The following MSI2 variants were observed in gnomAD, a reference collection of about 807,000 sequenced individuals.
MSI2 encodes musashi RNA binding protein 2.
A neutral mutation model predicts 45.6 loss-of-function variants in MSI2; 17 were observed. That is an observed-to-expected ratio of 0.37 (90% CI 0.26 to 0.56). The LOEUF is 0.56. Among genes scored for constraint, MSI2 ranks in the 20% least tolerant of loss-of-function variants. MSI2 has a pLI of 0.77. For missense variants in MSI2, 293 were observed against 444.2 expected (o/e 0.66, Z 3.06); for synonymous variants, 156 against 158.2 (o/e 0.99, Z 0.11).
In MSI2 at chr17:57,358,040, A is replaced by C. The variant is rs558778996; in HGVS notation, c.313-43339A>C. Among the ~76,000 whole-genome samples, 38 of 152,260 alleles carry C rather than the reference A, an allele frequency of 2.5e-4. No homozygotes were observed. The South Asian group carries it at 6.8e-3, about 27-fold the overall frequency. ...GAACCCCACAGCTTTGGGGGCTGCT[A>C]TTTGAGGCACCACACTTGGCAGGCT... On this transcript the variant is annotated intron_variant, in intron 5 of 13. Coordinates refer to ENST00000284073, the MANE Select transcript of MSI2 (RefSeq NM_138962.4).
At chr17:57,318,239 T>C (rs1598112425) in intron 5 of MSI2, among the ~76,000 whole-genome samples, 2 of 152,080 alleles carry the variant, frequency 1.3e-5, no homozygotes, top group East Asian at 3.8e-4. Context: ...GAGCATGTCC[T>C]GGAAGAGGAG....
chr17:57,320,301 A>G (rs1472081373), intron 5 of MSI2, among the ~76,000 whole-genome samples: 1 of 152,172 alleles, frequency 6.6e-6, no homozygotes, highest in Non-Finnish European at 1.5e-5. Context: ...GACTGGCTCT[A>G]TCACAGGGAC....
intron 5 of MSI2, among the ~76,000 whole-genome samples, chr17:57,353,551 G>T (rs1043657107): frequency 6.6e-6 from 1 of 152,152 alleles, no homozygotes; most frequent in Non-Finnish European, 1.5e-5. Flanking sequence ...TATTTCCTTT[G>T]TTATTTAGGG....
chr17:57,325,021 A>T (rs1314579491), intron 5 of MSI2, among the ~76,000 whole-genome samples: 1 of 152,202 alleles, frequency 6.6e-6, no homozygotes, highest in Non-Finnish European at 1.5e-5. Context: ...AGTGGTATCT[A>T]CCTATGTTTA....
chr17:57,441,651 G>A (rs1163882095), intron 6 of MSI2, among the ~76,000 whole-genome samples: 2 of 151,994 alleles, frequency 1.3e-5, no homozygotes, highest in African/African-American at 4.8e-5. Flanking sequence ...CTCTCACCAG[G>A]GTCCCTTTCT....
At chr17:57,458,163 C>T (rs1051987910) in intron 6 of MSI2, among the ~76,000 whole-genome samples, 45 of 146,978 alleles carry the variant, frequency 3.1e-4, no homozygotes, top group Admixed American at 1.3e-3. Context: ...TGCAGTGGCG[C>T]GATCTTGGCT....
At chr17:57,502,612 T>G (rs1484718333) in intron 6 of MSI2, among the ~76,000 whole-genome samples, 2,378 of 109,250 alleles carry the variant, frequency 0.022, 216 homozygotes, top group African/African-American at 0.075. Flanking sequence ...GATATATATA[T>G]ATATATATAT....
intron 7 of MSI2, among the ~76,000 whole-genome samples, chr17:57,570,275 C>T (rs1410744747): frequency 6.6e-6 from 1 of 152,146 alleles, no homozygotes; most frequent in Admixed American, 6.5e-5. Flanking sequence ...AGGGTGGCGC[C>T]TGGACATCCC....
intron 6 of MSI2, among the ~76,000 whole-genome samples, chr17:57,447,490 A>G (rs1001163478): frequency 2.0e-5 from 3 of 151,934 alleles, no homozygotes; most frequent in African/African-American, 7.3e-5. Flanking sequence ...TCCATGTTTT[A>G]TCTGAGTCCT....
intron 12 of MSI2, 23 bp downstream of exon 12, chr17:57,675,149 C>T (rs751037330): frequency 1.2e-5 from 19 of 1,596,272 alleles, no homozygotes; most frequent in South Asian, 4.5e-5. Flanking sequence ...CTTCCCCTGC[C>T]CTCCTGCCTC....
chr17:57,453,122 T>C (rs978833871), intron 6 of MSI2, among the ~76,000 whole-genome samples: 1 of 149,732 alleles, frequency 6.7e-6, no homozygotes, highest in Non-Finnish European at 1.5e-5. Context: ...TGCCGCAGCC[T>C]CCCGAGTAAC....
intron 8 of MSI2, among the ~76,000 whole-genome samples, chr17:57,600,087 T>C (rs1348308328): frequency 6.6e-6 from 1 of 152,244 alleles, no homozygotes; most frequent in East Asian, 1.9e-4. Context: ...TGGTTTCTAC[T>C]TCTGAGGCCC....
chr17:57,592,129 G>A (rs1471517686), intron 7 of MSI2, among the ~76,000 whole-genome samples: 4 of 149,708 alleles, frequency 2.7e-5, no homozygotes, highest in South Asian at 2.1e-4. Flanking sequence ...CCGAGATCGC[G>A]CCACTGCACT....
intron 5 of MSI2, among the ~76,000 whole-genome samples, chr17:57,332,591 G>C (rs988059045): frequency 1.3e-5 from 2 of 152,144 alleles, no homozygotes; most frequent in East Asian, 1.9e-4. Flanking sequence ...CAAAGAACTG[G>C]GTTAAGAATA....
intron 5 of MSI2, among the ~76,000 whole-genome samples, chr17:57,396,175 A>T (rs2083885248): frequency 6.6e-6 from 1 of 152,150 alleles, no homozygotes; most frequent in Non-Finnish European, 1.5e-5. Context: ...TACTCATTTA[A>T]GGCTCTCCAG....
At chr17:57,511,846 T>G (rs1182596725) in intron 6 of MSI2, among the ~76,000 whole-genome samples, 1 of 152,150 alleles carries the variant, frequency 6.6e-6, no homozygotes, top group Non-Finnish European at 1.5e-5. Context: ...GCCCAGCCAT[T>G]CCGCAGCTCA....
At chr17:57,519,418 G>A (rs1244008682) in intron 6 of MSI2, among the ~76,000 whole-genome samples, 1 of 152,112 alleles carries the variant, frequency 6.6e-6, no homozygotes, top group African/African-American at 2.4e-5. Context: ...TATCCTTAGA[G>A]TCACTGCACG....
At chr17:57,593,168 G>A (rs1044392337) in intron 7 of MSI2, among the ~76,000 whole-genome samples, 3 of 152,160 alleles carry the variant, frequency 2.0e-5, no homozygotes, top group Non-Finnish European at 4.4e-5. Flanking sequence ...CTTCAGTCCA[G>A]AGCAGCATGA....
intron 6 of MSI2, among the ~76,000 whole-genome samples, chr17:57,473,706 A>C (rs2085484136): frequency 6.6e-6 from 1 of 152,134 alleles, no homozygotes; most frequent in South Asian, 2.1e-4. Flanking sequence ...TCGAGAACAG[A>C]GGATGTTTGG....
Sources: gnomAD v4.1 joint callset for allele counts (sites outside exome capture counted in the v4.1 genomes callset) on GRCh38, gnomAD v4.1.1 for gene constraint, MANE v1.5 for transcripts, NCBI Gene and HGNC (gene_info 2026-07-23, HGNC 2026-07-21) for gene names.